Variants in CLASP1 observed in about 807,000 individuals in gnomAD.
CLASP1 encodes the protein cytoplasmic linker associated protein 1.
Under a neutral mutation model 192.3 loss-of-function variants are expected in CLASP1, and 38 were observed. That is an observed-to-expected ratio of 0.20 (90% CI 0.15 to 0.26). The LOEUF (loss-of-function observed/expected upper bound fraction) is 0.26. Among genes scored for constraint, CLASP1 ranks in the 10% least tolerant of loss-of-function variants. CLASP1 has a pLI of 1.00. For synonymous variants in CLASP1, 691 were observed against 712.8 expected (o/e 0.97, Z 0.49); for missense variants, 1,433 against 1,932.5 (o/e 0.74, Z 4.85).
In CLASP1 at chr2:121,430,209, A is replaced by G. The variant is rs775649050; in HGVS notation, c.1913-32T>C. 6.0e-6 allele frequency: 9 copies of G among 1,500,726 alleles called. No individual in the cohort carries two copies. In the South Asian group the frequency reaches 1.1e-4, roughly 18 times the overall value. 93.0% of individuals were successfully genotyped at this position (1,500,726 alleles called of 1,614,324 possible). On this transcript the variant is annotated intron_variant, in intron 19 of 39. Coordinates refer to ENST00000263710, the Ensembl canonical transcript of CLASP1. ...GACACAGCAAAAACAGTGTTTCACA[A>G]CATTTCCAGTAAGTGCCACCTCCTC...
chr2:121,527,746 A>G, intron 5 of CLASP1, 53 bp downstream of exon 5: 2 of 1,340,000 alleles, frequency 1.5e-6, no homozygotes, highest in South Asian at 1.2e-5. Context: ...TTCAAAATAA[A>G]AAGTTTTAAA....
intron 8 of CLASP1, among the ~76,000 whole-genome samples, chr2:121,496,479 A>G (rs2093537879): frequency 6.6e-6 from 1 of 152,198 alleles, no homozygotes; most frequent in Non-Finnish European, 1.5e-5. Context: ...GTGGGTATAT[A>G]AGAATCCATG....
chr2:121,496,020 C>A (rs76986513), intron 8 of CLASP1, among the ~76,000 whole-genome samples: 2 of 152,212 alleles, frequency 1.3e-5, no homozygotes, highest in South Asian at 2.1e-4. Context: ...GGCACAGACG[C>A]CTTTCCTAAG....
chr2:121,388,445 C>T (rs1272478061), intron 30 of CLASP1, among the ~76,000 whole-genome samples: 3 of 152,176 alleles, frequency 2.0e-5, no homozygotes, highest in Admixed American at 6.5e-5. Flanking sequence ...CTTTGAGAAG[C>T]AAATCAGATT....
intron 1 of CLASP1, among the ~76,000 whole-genome samples, chr2:121,612,882 C>T (rs1258288548): frequency 1.3e-5 from 2 of 152,144 alleles, no homozygotes; most frequent in African/African-American, 4.8e-5. Context: ...TTCAAAAGAG[C>T]AGTGTTACAG....
rs72830821 is a variant in CLASP1, at chr2:121,577,283, T to A, written c.195+28418A>T. On this transcript the variant is annotated intron_variant, in intron 2 of 39. Transcript: ENST00000263710. ...AAAAGATCCACCTTTATGCATGGGA[T>A]AATCATCACAATGCACACTTCAAAT... 2.8e-3 allele frequency among the ~76,000 whole-genome samples: 418 copies of A among 151,500 alleles called. 1 individual carries two copies. Among genetic ancestry groups the A allele is most frequent in the Non-Finnish European group, 4.7e-3 (321 of 67,920 alleles).
At chr2:121,594,397 AT>A (rs111667602) in intron 2 of CLASP1, among the ~76,000 whole-genome samples, 26 of 146,808 alleles carry the variant, frequency 1.8e-4, no homozygotes, top group South Asian at 4.3e-4. Context: ...TAGTCTATCA[AT>A]TTTTTTTTTT....
At chr2:121,515,559 T>C in intron 7 of CLASP1, 106 bp downstream of exon 7, 2 of 812,096 alleles carry the variant, frequency 2.5e-6, no homozygotes, top group Non-Finnish European at 3.8e-6. Context: ...ATTCTTTGAA[T>C]AAAATAACCA....
At chr2:121,338,478 T>TG (rs2062521926) in exon 40 of CLASP1, 1 of 152,344 alleles carries the variant, frequency 6.6e-6, no homozygotes. Context: ...TTAGGTGCTC[T>TG]GCTCTTTTGT....
At chr2:121,474,449 G>C (rs188027167) in intron 8 of CLASP1, among the ~76,000 whole-genome samples, 444 of 152,282 alleles carry the variant, frequency 2.9e-3, no homozygotes, top group Non-Finnish European at 5.0e-3. Context: ...AAGAAGGGAA[G>C]GAGGAGGCCA....
At chr2:121,410,900 C>A in exon 24 of CLASP1, 1 of 1,612,412 alleles carries the variant, frequency 6.2e-7, no homozygotes, top group East Asian at 2.2e-5. Flanking sequence ...AAGATCTGTA[C>A]TTGTGCTCAG....
chr2:121,533,132 CG>C (rs775705608), intron 2 of CLASP1, among the ~76,000 whole-genome samples: 58 of 152,128 alleles, frequency 3.8e-4, no homozygotes, highest in Non-Finnish European at 7.6e-4. Flanking sequence ...CGCTAAGCCC[CG>C]GACAGTCAAG....
At chr2:121,503,042 T>A (rs1404766614) in intron 8 of CLASP1, 125 bp downstream of exon 8, 1 of 627,500 alleles carries the variant, frequency 1.6e-6, no homozygotes, top group East Asian at 2.8e-5. Flanking sequence ...ACTGGGTGAA[T>A]GGAGGTTAAG....
At chr2:121,474,730 C>A (rs189835549) in intron 8 of CLASP1, among the ~76,000 whole-genome samples, 5 of 151,928 alleles carry the variant, frequency 3.3e-5, no homozygotes, top group Non-Finnish European at 7.4e-5. Context: ...AGCGAGACTC[C>A]GTTTCAAATA....
At chr2:121,569,792 G>A (rs2059824996) in intron 2 of CLASP1, among the ~76,000 whole-genome samples, 1 of 152,092 alleles carries the variant, frequency 6.6e-6, no homozygotes, top group Admixed American at 6.5e-5. Context: ...AGTGAGCCAA[G>A]ATTGCAGCAC....
chr2:121,367,904 TAAG>T (rs2067752137), intron 34 of CLASP1, 73 bp from the exon 36 acceptor site: 26 of 1,562,296 alleles, frequency 1.7e-5, no homozygotes, highest in Non-Finnish European at 2.1e-5. Flanking sequence ...TCAGAAATAT[TAAG>T]AAGGCCAGAG....
chr2:121,405,036 C>T (rs1170330932), intron 25 of CLASP1, among the ~76,000 whole-genome samples: 2 of 152,164 alleles, frequency 1.3e-5, no homozygotes, highest in African/African-American at 4.8e-5. Flanking sequence ...GGGCCAGGGG[C>T]AGTGGCTCAC....
intron 26 of CLASP1, 54 bp from the exon 28 acceptor site, chr2:121,401,924 AG>A: frequency 1.5e-6 from 1 of 650,130 alleles, no homozygotes; most frequent in Admixed American, 1.8e-5. Flanking sequence ...ATTCCATGTT[AG>A]TTGGCAGTGA....
At chr2:121,551,391 G>C (rs1404404544) in intron 2 of CLASP1, among the ~76,000 whole-genome samples, 1 of 152,114 alleles carries the variant, frequency 6.6e-6, no homozygotes, top group East Asian at 1.9e-4. Context: ...ATCCAAATAA[G>C]AAGACAGGAA....
Sources: allele counts gnomAD v4.1 joint callset (sites outside exome capture counted in the v4.1 genomes callset), GRCh38; gene constraint gnomAD v4.1.1; transcripts MANE v1.5; gene names NCBI Gene and HGNC (gene_info 2026-07-23, HGNC 2026-07-21).